Variants in CAMKK2 observed in about 807,000 individuals in gnomAD.
CAMKK2 encodes calcium/calmodulin-dependent protein kinase kinase 2.
Under a neutral mutation model 67.2 loss-of-function variants are expected in CAMKK2, and 30 were observed. The ratio of observed to expected loss-of-function variants is 0.45; its 90% confidence interval spans 0.33 to 0.61. The LOEUF (loss-of-function observed/expected upper bound fraction) is 0.61, where lower values mean the gene tolerates loss of function less well. CAMKK2 is among the 20% of genes least tolerant of loss of function. The probability of loss-of-function intolerance (pLI) is 0.02; values close to 1 mark genes in which losing one functional copy is unlikely to be tolerated. For synonymous variants in CAMKK2, 322 were observed against 326.2 expected, an observed-to-expected ratio of 0.99 and a Z score of 0.14; for missense variants, 643 against 802.0, an observed-to-expected ratio of 0.80 and a Z score of 2.39.
At chr12:121,292,317 C>T (rs1465763980) in intron 1 of CAMKK2, among the ~76,000 whole-genome samples, 2 of 151,750 alleles carry the variant, frequency 1.3e-5, no homozygotes, top group Admixed American at 6.6e-5. Flanking sequence ...TTAGTGGGGA[C>T]GGGGTTTCGC....
chr12:121,266,811 C>T (rs1375509366), intron 5 of CAMKK2, among the ~76,000 whole-genome samples: 1 of 151,708 alleles, frequency 6.6e-6, no homozygotes, highest in Non-Finnish European at 1.5e-5. Flanking sequence ...TATCTAATTT[C>T]TCTTTTTGGC....
At position 121,238,137 on chromosome 12, in the gene CAMKK2, G is replaced by A. The variant is rs1368707074; in HGVS notation, c.*2562C>T. On this transcript the variant is annotated 3_prime_UTR_variant, in exon 17 of 17. Transcript: ENST00000404169. The stretch of plus-strand genomic sequence containing the variant: ...CTGAGGACGGAAGACCTGCCTCTCA[G>A]GAAAGGCCAGACCAGTAGGGAGAGG... 2.0e-5 allele frequency: 3 copies of A among 152,366 alleles called. No individual in the cohort carries two copies. The highest frequency in any genetic ancestry group is 7.2e-5 in the African/African-American group (3 of 41,454). 9.4% of individuals were successfully genotyped at this position (152,366 alleles called of 1,614,324 possible). A position where few individuals can be genotyped will look rare whatever the true frequency, so the allele number is the denominator to read the frequency against.
chr12:121,260,727 C>T (rs112351334), intron 6 of CAMKK2, among the ~76,000 whole-genome samples: 23,912 of 151,890 alleles, frequency 0.16, 2,894 homozygotes, highest in African/African-American at 0.34. Flanking sequence ...CCGAGGCGGG[C>T]GGATCACCTG....
rs1160031333 is a variant in CAMKK2 at position 121,296,555 on chromosome 12, C to T, written c.-60+83G>A. 1.3e-5 allele frequency: 2 copies of T among 151,986 alleles called. No homozygotes were observed. Among genetic ancestry groups the T allele is most frequent in the East Asian group, 1.9e-4 (1 of 5,130 alleles). The allele number at this position is 151,986 out of a possible 1,614,324, so 9.4% of individuals were successfully genotyped here. A position where few individuals can be genotyped will look rare whatever the true frequency, so the allele number is the denominator to read the frequency against. On this transcript the variant is annotated intron_variant, in intron 1 of 16. Transcript: ENST00000404169. This position sits in a 1 kb window ranked among gnomAD's most constrained non-coding sequence, Gnocchi z 7.1. The stretch of plus-strand genomic sequence containing the variant: ...TGTGTGCCATGCCGGCGGCGGTCCC[C>T]CGCCTCGAGAGGGAAACGGAGCGGG...
At chr12:121,246,258 G>A (rs965713207) in intron 14 of CAMKK2, among the ~76,000 whole-genome samples, 6 of 134,122 alleles carry the variant, frequency 4.5e-5, no homozygotes, top group Admixed American at 2.1e-4. Context: ...AGGAGCGGGG[G>A]GGGGGAGGCG....
chr12:121,258,847 T>A (rs1892877783), intron 7 of CAMKK2, among the ~76,000 whole-genome samples: 1 of 150,838 alleles, frequency 6.6e-6, no homozygotes, highest in Admixed American at 6.6e-5. Flanking sequence ...AGCCAATTTT[T>A]TTTTTTTTTT....
intron 15 of CAMKK2, 64 bp from the exon 16 acceptor site, chr12:121,244,679 C>T (rs377524955): frequency 5.4e-5 from 71 of 1,320,896 alleles, no homozygotes; most frequent in Middle Eastern, 1.8e-4. Context: ...ACGGGATGCC[C>T]GTTCCCCCAC....
In CAMKK2 at chr12:121,244,559, C is replaced by G; in HGVS notation, c.1596+14G>C. ...GCCCCAGCAGAGGCTACGGCACAGG[C>G]AGGCGGGCGTTACCTTGAGCTCAGA... On this transcript the variant is annotated intron_variant, in intron 16 of 16. Transcript: ENST00000404169. 1 of 1,557,350 alleles carries G rather than the reference C, an allele frequency of 6.4e-7. No homozygotes were observed. The highest frequency in any genetic ancestry group is 1.4e-5 in the African/African-American group (1 of 73,648).
chr12:121,273,026 G>A (rs1485938927), intron 2 of CAMKK2, among the ~76,000 whole-genome samples: 1 of 152,156 alleles, frequency 6.6e-6, no homozygotes, highest in Non-Finnish European at 1.5e-5. Context: ...GGGTGTGGAG[G>A]TGGATGAAAT....
Position 121,240,821 on chromosome 12 carries a change from C to G in CAMKK2, c.1645G>C (p.Gly549Arg), listed in dbSNP as rs1051450715. 5.6e-6 allele frequency: 9 copies of G among 1,611,934 alleles called. No individual in the cohort carries two copies. Among genetic ancestry groups the G allele is most frequent in the East Asian group, 4.5e-5 (2 of 44,856 alleles). ...QPPGHRPAPR[G>R]GGGSALVRGS... ...CTCACAAGAGCACTTCCTCCTCCCC[C>G]ACGGGGGGCGGGTCGGTGCCCTGGA... Residue 549 changes from glycine (G) to arginine (R), a missense_variant, in exon 17 of 17, where the codon GGG (glycine) becomes CGG (arginine). By Grantham distance (125) the Gly-to-Arg change is moderately radical. Coordinates refer to ENST00000404169, the MANE Select transcript of CAMKK2 (RefSeq NM_001270485.2). The surrounding 1 kb of genome is among the most constrained non-coding windows in gnomAD (Gnocchi z 4.4).
intron 7 of CAMKK2, among the ~76,000 whole-genome samples, chr12:121,256,596 C>T (rs1892346852): frequency 6.6e-6 from 1 of 152,124 alleles, no homozygotes; most frequent in African/African-American, 2.4e-5. Context: ...AATCTGTTTC[C>T]TGTCTCTATA....
At chr12:121,247,712 T>C (rs539865966) in intron 14 of CAMKK2, among the ~76,000 whole-genome samples, 1 of 152,106 alleles carries the variant, frequency 6.6e-6, no homozygotes, top group African/African-American at 2.4e-5. Context: ...AGAGGAAGTG[T>C]GTGGGGAAGC....
At position 121,239,788 on chromosome 12, in the gene CAMKK2, A is replaced by C. The variant is rs1427668751; in HGVS notation, c.*911T>G. ...TGTGAAATATATCCTGGAAGCTCTA[A>C]ATAGTTTCTGAACTACTGTGCTCTA... is the stretch of plus-strand genomic sequence containing the variant. On this transcript the variant is annotated 3_prime_UTR_variant, in exon 17 of 17. Transcript: ENST00000404169. The C allele has an allele frequency of 6.6e-6, 1 of 152,334 alleles. No homozygotes were observed. Among genetic ancestry groups the C allele is most frequent in the Non-Finnish European group, 1.5e-5 (1 of 68,142 alleles). The allele number at this position is 152,334 out of a possible 1,614,324, so 9.4% of individuals were successfully genotyped here.
At position 121,264,810 on chromosome 12, in the gene CAMKK2, A is replaced by C. The variant is rs554551162; in HGVS notation, c.626-871T>G. On this transcript the variant is annotated intron_variant, in intron 5 of 16. Coordinates refer to ENST00000404169, the MANE Select transcript of CAMKK2 (RefSeq NM_001270485.2). ...TAATAATAATAATAATAATAATAAT[A>C]ATCACAAAAAATTAGTCAGGTATGG... 9.4e-4 allele frequency among the ~76,000 whole-genome samples: 138 copies of C among 147,448 alleles called. 1 individual carries two copies. The highest frequency in any genetic ancestry group is 6.7e-3 in the South Asian group (31 of 4,634).
rs116262610 is a variant in CAMKK2, at chr12:121,274,230, C to A, written c.297G>T (p.Leu99=). 22 of 1,609,240 alleles carry A rather than the reference C, an allele frequency of 1.4e-5. No individual in the cohort carries two copies. The African/African-American group carries it at 2.8e-4, about 20-fold the overall frequency. Residue 99 remains leucine, a synonymous_variant, in exon 2 of 17, where the codon CTG becomes CTT. Transcript: ENST00000404169. The stretch of plus-strand genomic sequence containing the variant: ...CACCCTGGGACCGCTCTTGCAGAGA[C>A]AGCTTGCGACCGGAGAGGTGGGGCC... ...QARPHLSGRK[L]SLQERSQGGL... is the part of the protein sequence containing the mutation.
chr12:121,275,078 G>A lies in CAMKK2; in HGVS notation c.-59-493C>T, dbSNP rs557379085. Among the ~76,000 whole-genome samples, 77 of 152,186 alleles carry A rather than the reference G, an allele frequency of 5.1e-4. No individual in the cohort carries two copies. In the South Asian group the frequency reaches 0.015, roughly 29 times the overall value. The stretch of plus-strand genomic sequence containing the variant: ...TTCCAGCTCAAGCCAATTGTTGCTC[G>A]GCAGGAATCTGGGCCTACTATTGCT... On this transcript the variant is annotated intron_variant, in intron 1 of 16. Coordinates refer to ENST00000404169, the MANE Select transcript of CAMKK2 (RefSeq NM_001270485.2).
rs1005065066 is a variant in CAMKK2 at position 121,237,904 on chromosome 12, T to C, written c.*2795A>G. ...ATCGGGCATTGAATCGATCACAGAGTAGAAAAATCTGCAGTCCCCAGAAAC... is the reference window on the plus strand; with the variant it reads ...ATCGGGCATTGAATCGATCACAGAGCAGAAAAATCTGCAGTCCCCAGAAAC... On this transcript the variant is annotated 3_prime_UTR_variant, in exon 17 of 17. Transcript: ENST00000404169. This position sits in a 1 kb window ranked among gnomAD's most constrained non-coding sequence, Gnocchi z 4.5. 6.6e-6 allele frequency: 1 copy of C among 152,246 alleles called. No individual in the cohort carries two copies. Among genetic ancestry groups the C allele is most frequent in the African/African-American group, 2.4e-5 (1 of 41,310 alleles). 9.4% of individuals were successfully genotyped at this position (152,246 alleles called of 1,614,324 possible). A position where few individuals can be genotyped will look rare whatever the true frequency, so the allele number is the denominator to read the frequency against.
At position 121,253,228 on chromosome 12, in the gene CAMKK2, A is replaced by G; in HGVS notation, c.1107+45T>C. On this transcript the variant is annotated intron_variant, in intron 10 of 16. Coordinates refer to ENST00000404169, the MANE Select transcript of CAMKK2 (RefSeq NM_001270485.2). The surrounding 1 kb of genome is among the most constrained non-coding windows in gnomAD (Gnocchi z 5.0). ...TTCTGCTGCTTACAATCCAGAAGAC[A>G]CTAACACAGGCAGAACTCTGTGGCT... 4 of 1,556,164 alleles carry G rather than the reference A, an allele frequency of 2.6e-6. No homozygotes were observed. The highest frequency in any genetic ancestry group is 2.7e-6 in the Non-Finnish European group (3 of 1,128,416).
At chr12:121,274,651 C>T (rs1476772959) in intron 1 of CAMKK2, 66 bp from the exon 2 acceptor site, 3 of 656,052 alleles carry the variant, frequency 4.6e-6, no homozygotes, top group Admixed American at 2.9e-5. Context: ...GATCCCCTCT[C>T]CTCCTGGCCC....
Sources: allele counts gnomAD v4.1 joint callset (sites outside exome capture counted in the v4.1 genomes callset), GRCh38; gene constraint gnomAD v4.1.1; non-coding constraint Gnocchi (gnomAD v3.1); transcripts MANE v1.5; gene names NCBI Gene and HGNC (gene_info 2026-07-23, HGNC 2026-07-21).